Variants in QTMAN observed in about 807,000 individuals in gnomAD.
QTMAN encodes the protein queuosine-tRNA mannosyltransferase.
chr2:144,011,994 C>G, the QTMAN span, among the ~76,000 whole-genome samples: 2 of 152,164 alleles, frequency 1.3e-5, no homozygotes, highest in Non-Finnish European at 2.9e-5. Flanking sequence ...CTCTTAGAAA[C>G]TCCATCAGAA....
At chr2:143,951,942 T>C in the QTMAN span, 3 of 921,318 alleles carry the variant, frequency 3.3e-6, no homozygotes, top group Non-Finnish European at 3.5e-6. Context: ...TGTACTTCAA[T>C]ATGGCATTTA....
At chr2:143,967,036 G>A in the QTMAN span, among the ~76,000 whole-genome samples, 1 of 152,180 alleles carries the variant, frequency 6.6e-6, no homozygotes. Context: ...CTTCTGGCTT[G>A]TATGTGAAAG....
chr2:144,298,869 T>G, the QTMAN span, among the ~76,000 whole-genome samples: 1 of 152,206 alleles, frequency 6.6e-6, no homozygotes, highest in Non-Finnish European at 1.5e-5. Context: ...CTCCTCCAAT[T>G]GCAAATATCC....
chr2:143,997,542 T>C, the QTMAN span, among the ~76,000 whole-genome samples: 8 of 152,130 alleles, frequency 5.3e-5, no homozygotes, highest in African/African-American at 1.9e-4. Context: ...AGCTTATTTA[T>C]TTTCATTTCC....
chr2:144,190,119 C>T, the QTMAN span, among the ~76,000 whole-genome samples: 1 of 151,886 alleles, frequency 6.6e-6, no homozygotes, highest in African/African-American at 2.4e-5. Context: ...ATATATAGAG[C>T]CATGAATGGA....
the QTMAN span, among the ~76,000 whole-genome samples, chr2:144,030,065 T>A: frequency 4.6e-5 from 7 of 152,186 alleles, no homozygotes; most frequent in Non-Finnish European, 8.8e-5. Context: ...AATACTTTGT[T>A]AGGTACTATG....
chr2:144,113,893 T>C, the QTMAN span, among the ~76,000 whole-genome samples: 1 of 152,208 alleles, frequency 6.6e-6, no homozygotes, highest in Admixed American at 6.5e-5. Flanking sequence ...CCACAACACA[T>C]AGTTCTCACC....
At chr2:144,176,213 A>C in the QTMAN span, among the ~76,000 whole-genome samples, 1 of 152,192 alleles carries the variant, frequency 6.6e-6, no homozygotes, top group Non-Finnish European at 1.5e-5. Context: ...ATTATTAATA[A>C]AACAATTTAT....
chr2:144,298,449 A>C, the QTMAN span, among the ~76,000 whole-genome samples: 43 of 152,254 alleles, frequency 2.8e-4, no homozygotes, highest in African/African-American at 9.6e-4. Flanking sequence ...AATAACTGGT[A>C]AAAGGTATGG....
At chr2:144,001,825 A>C in the QTMAN span, among the ~76,000 whole-genome samples, 5 of 151,872 alleles carry the variant, frequency 3.3e-5, no homozygotes, top group Non-Finnish European at 7.4e-5. Flanking sequence ...TAAGCCAAAA[A>C]AAAAAAATTA....
chr2:144,094,005 T>C, the QTMAN span, among the ~76,000 whole-genome samples: 5 of 152,228 alleles, frequency 3.3e-5, no homozygotes, highest in Admixed American at 6.5e-5. Flanking sequence ...TGTAGAGCCA[T>C]AATCTCTCAA....
chr2:144,199,780 T>G, the QTMAN span, among the ~76,000 whole-genome samples: 1 of 152,216 alleles, frequency 6.6e-6, no homozygotes, highest in Non-Finnish European at 1.5e-5. Flanking sequence ...ATCTTGATGT[T>G]AATTCTTTGT....
At chr2:144,230,980 T>C in the QTMAN span, among the ~76,000 whole-genome samples, 2 of 152,176 alleles carry the variant, frequency 1.3e-5, no homozygotes, top group South Asian at 4.1e-4. Context: ...CATATGGTAC[T>C]ATAGATAAAA....
chr2:144,109,065 T>TA, the QTMAN span, among the ~76,000 whole-genome samples: 1 of 152,120 alleles, frequency 6.6e-6, no homozygotes, highest in African/African-American at 2.4e-5. Flanking sequence ...AAAACTACTT[T>TA]AAAGTTCGTA....
At chr2:143,975,384 G>C in the QTMAN span, among the ~76,000 whole-genome samples, 14 of 152,184 alleles carry the variant, frequency 9.2e-5, no homozygotes, top group East Asian at 2.7e-3. Context: ...CTCTTCCCTT[G>C]CTTGGGCAGA....
the QTMAN span, among the ~76,000 whole-genome samples, chr2:143,971,915 T>C: frequency 5.3e-5 from 8 of 152,148 alleles, no homozygotes; most frequent in African/African-American, 1.9e-4. Flanking sequence ...ATTTTCAGTA[T>C]CATGAATTAA....
chr2:144,195,075 T>A, the QTMAN span, among the ~76,000 whole-genome samples: 1 of 152,064 alleles, frequency 6.6e-6, no homozygotes, highest in Admixed American at 6.6e-5. Context: ...AGGTATTACC[T>A]TTTTTCCTGT....
chr2:144,198,260 T>C, the QTMAN span, among the ~76,000 whole-genome samples: 1 of 152,276 alleles, frequency 6.6e-6, no homozygotes, highest in South Asian at 2.1e-4. Context: ...TAATTTTCCT[T>C]TTGCTCTCTT....
chr2:143,998,570 T>C, the QTMAN span, among the ~76,000 whole-genome samples: 1 of 152,008 alleles, frequency 6.6e-6, no homozygotes, highest in African/African-American at 2.4e-5. Context: ...TTGGATCTCA[T>C]TCACTTAGGA....
Sources: gnomAD v4.1 joint callset for allele counts (sites outside exome capture counted in the v4.1 genomes callset) on GRCh38, gnomAD v4.1.1 for gene constraint, MANE v1.5 for transcripts, NCBI Gene and HGNC (gene_info 2026-07-23, HGNC 2026-07-21) for gene names.